Variants in PRIM1 observed in about 807,000 individuals in gnomAD.
PRIM1 encodes the protein DNA primase small subunit.
In PRIM1, 38 loss-of-function variants were observed where a neutral mutation model predicts 60.2. The ratio of observed to expected loss-of-function variants is 0.63; its 90% confidence interval spans 0.49 to 0.83. The LOEUF (loss-of-function observed/expected upper bound fraction) is 0.83, where lower values mean the gene tolerates loss of function less well. Among genes scored for constraint, PRIM1 ranks in the 40% least tolerant of loss-of-function variants. The pLI is 0.00. For missense variants in PRIM1, 388 were observed against 506.2 expected (o/e 0.77, Z 2.24); for synonymous variants, 158 against 160.2 (o/e 0.99, Z 0.10).
At chr12:56,736,773 G>C (rs1953836242) in intron 11 of PRIM1, among the ~76,000 whole-genome samples, 1 of 151,862 alleles carries the variant, frequency 6.6e-6, no homozygotes, top group Non-Finnish European at 1.5e-5. Flanking sequence ...CAGAGTGCTG[G>C]GATTACAGGC....
intron 2 of PRIM1, among the ~76,000 whole-genome samples, chr12:56,750,734 C>T (rs1011375040): frequency 6.6e-6 from 1 of 151,990 alleles, no homozygotes; most frequent in Non-Finnish European, 1.5e-5. Flanking sequence ...GGATTACAGG[C>T]GCGTACCACC....
At chr12:56,734,672 G>A (rs924392753) in intron 11 of PRIM1, among the ~76,000 whole-genome samples, 4 of 150,632 alleles carry the variant, frequency 2.7e-5, no homozygotes, top group Admixed American at 1.3e-4. Context: ...GCCTCTGAAA[G>A]TGCTGGGATT....
intron 10 of PRIM1, among the ~76,000 whole-genome samples, chr12:56,738,896 T>C (rs1266932596): frequency 6.6e-6 from 1 of 152,186 alleles, no homozygotes; most frequent in African/African-American, 2.4e-5. Flanking sequence ...CATTATCCAG[T>C]GTATAATAGC....
chr12:56,748,214 T>C (rs1362505724), intron 2 of PRIM1, among the ~76,000 whole-genome samples: 4 of 152,094 alleles, frequency 2.6e-5, no homozygotes, highest in African/African-American at 4.8e-5. Flanking sequence ...ATATTACAAA[T>C]TGATATTAGG....
At chr12:56,740,757 G>A (rs958070844) in intron 9 of PRIM1, among the ~76,000 whole-genome samples, 3 of 151,942 alleles carry the variant, frequency 2.0e-5, no homozygotes. Context: ...ACTCTTTCTC[G>A]AAAAAAATTT....
chr12:56,752,061 G>A (rs1953972665), intron 1 of PRIM1, 135 bp downstream of exon 1: 4 of 528,516 alleles, frequency 7.6e-6, no homozygotes, highest in Non-Finnish European at 1.3e-5. Flanking sequence ...GTGGTGGGGC[G>A]GGCTCGAGAG....
intron 10 of PRIM1, 109 bp downstream of exon 10, chr12:56,739,185 C>T (rs1953854626): frequency 1.2e-6 from 1 of 811,530 alleles, no homozygotes; most frequent in Admixed American, 3.5e-5. Flanking sequence ...GTTTCCATAA[C>T]CAAATATACC....
At chr12:56,736,508 CTTT>C (rs63112961) in intron 11 of PRIM1, among the ~76,000 whole-genome samples, 1 of 146,234 alleles carries the variant, frequency 6.8e-6, no homozygotes. Context: ...AGAAATTATA[CTTT>C]TTTTTTTTTT....
chr12:56,746,803 G>A lies in PRIM1; in HGVS notation c.420C>T (p.Arg140=), dbSNP rs1953911142. ...KCWTLMTMAI[R]IIDRALKEDF... ...TGCCCTTCAATGCTCTGTCAATGATGCGTATGGCCATTGTCATGAGGGTCC... is the reference window on the plus strand; with the variant it reads ...TGCCCTTCAATGCTCTGTCAATGATACGTATGGCCATTGTCATGAGGGTCC... Residue 140 remains arginine (R), a synonymous_variant, in exon 4 of 13, where the codon CGC becomes CGT. Coordinates refer to ENST00000338193, the MANE Select transcript of PRIM1 (RefSeq NM_000946.3). 1.2e-6 allele frequency: 2 copies of A among 1,613,894 alleles called. No homozygotes were observed. The highest frequency in any genetic ancestry group is 2.2e-5 in the East Asian group (1 of 44,890).
chr12:56,735,289 G>A (rs971638725), intron 11 of PRIM1, among the ~76,000 whole-genome samples: 3 of 149,956 alleles, frequency 2.0e-5, no homozygotes, highest in Non-Finnish European at 4.4e-5. Flanking sequence ...TAGTAGAGAC[G>A]GGGTTTCACC....
In PRIM1 at chr12:56,741,525, G is replaced by A; in HGVS notation, c.892C>T (p.Leu298Phe). The stretch of plus-strand genomic sequence containing the variant: ...TCCAGCCGTGGAAAACAGTACTGGA[G>A]CATAATCTCCCACTCCAGCCAGGGT... Reference protein sequence around the residue: ...YGPWLEWEIMLQYCFPRLDIN... With the variant: ...YGPWLEWEIMFQYCFPRLDIN... Residue 298 changes from leucine to phenylalanine, a missense_variant, in exon 9 of 13, where the codon CTC becomes TTC. By Grantham distance (22) the Leu-to-Phe change is conservative. This residue lies in a region of PRIM1 where 211 missense variants were observed against 277.9 expected (regional missense o/e 0.76). Coordinates refer to ENST00000338193, the MANE Select transcript of PRIM1 (RefSeq NM_000946.3). 6.2e-7 allele frequency: 1 copy of A among 1,613,504 alleles called. No homozygotes were observed. Among genetic ancestry groups the A allele is most frequent in the Non-Finnish European group, 8.5e-7 (1 of 1,179,642 alleles).
At chr12:56,735,184 C>T (rs1388758800) in intron 11 of PRIM1, among the ~76,000 whole-genome samples, 3 of 150,794 alleles carry the variant, frequency 2.0e-5, no homozygotes, top group Admixed American at 6.6e-5. Context: ...CGGGAACCTC[C>T]GCCTCCCGAG....
chr12:56,733,328 T>G (rs1953797981), intron 12 of PRIM1, among the ~76,000 whole-genome samples: 1 of 151,678 alleles, frequency 6.6e-6, no homozygotes. Flanking sequence ...CAGCTAATTT[T>G]TTGTATTTTT....
intron 1 of PRIM1, chr12:56,751,435 C>A: frequency 3.7e-6 from 1 of 270,290 alleles, no homozygotes. Context: ...AGGCATGCGA[C>A]CCACCATGCC....
rs1592337252 is a variant in PRIM1 at position 56,751,333 on chromosome 12, GC to G, written c.104-139del. ...CCTGCTCTGTCGCCCAGACTGGAGT[GC>G]AGTGGCTCGATAAAGGCTCACTGCA... is the stretch of plus-strand genomic sequence containing the variant. On this transcript the variant is annotated intron_variant, in intron 1 of 12. Coordinates refer to ENST00000338193, the MANE Select transcript of PRIM1 (RefSeq NM_000946.3). 1.4e-5 allele frequency: 8 copies of G among 572,776 alleles called. No individual in the cohort carries two copies. In the East Asian group the frequency reaches 2.6e-4, roughly 19 times the overall value. The allele number at this position is 572,776 out of a possible 1,614,324, so 35.5% of individuals were successfully genotyped here.
intron 10 of PRIM1, 52 bp from the exon 11 acceptor site, chr12:56,738,577 G>A: frequency 1.3e-6 from 2 of 1,530,314 alleles, no homozygotes; most frequent in Non-Finnish European, 1.8e-6. Flanking sequence ...TTTTGAGACG[G>A]AGTCTTGCTC....
chr12:56,734,228 G>A lies in PRIM1; in HGVS notation c.1162C>T (p.Leu388=). 1 of 1,591,320 alleles carries A rather than the reference G, an allele frequency of 6.3e-7. No individual in the cohort carries two copies. The highest frequency in any genetic ancestry group is 8.6e-7 in the Non-Finnish European group (1 of 1,164,454). ...TCAAAAACTTTCACATAAGGTGCTA[G>A]ACTGGTCTTCTTATAATCTAAATTA... ...HRTRDYKKTS[L]APYVKVFEHF... is the part of the protein sequence containing the mutation. Residue 388 remains leucine (L), a synonymous_variant, in exon 12 of 13, where the codon CTA becomes TTA. Transcript: ENST00000338193.
At chr12:56,740,423 A>G (rs1400362516) in intron 9 of PRIM1, among the ~76,000 whole-genome samples, 1 of 152,122 alleles carries the variant, frequency 6.6e-6, no homozygotes, top group African/African-American at 2.4e-5. Context: ...ATAAAATAGA[A>G]ATTCCTCTAC....
At chr12:56,741,651 C>T (rs1953872894) in intron 8 of PRIM1, 75 bp from the exon 9 acceptor site, 7 of 1,573,144 alleles carry the variant, frequency 4.4e-6, no homozygotes, top group Middle Eastern at 1.7e-4. Context: ...GTTAAAAAAA[C>T]GATCTTCAAC....
Sources: allele counts gnomAD v4.1 joint callset (sites outside exome capture counted in the v4.1 genomes callset), GRCh38; gene constraint gnomAD v4.1.1; regional missense constraint gnomAD v4.1.1; transcripts MANE v1.5; gene names NCBI Gene and HGNC (gene_info 2026-07-23, HGNC 2026-07-21).